The following ATP11C variants were observed in gnomAD, a reference collection of about 807,000 sequenced individuals.
ATP11C encodes phospholipid-transporting ATPase IG.
In ATP11C, 36 loss-of-function variants were observed where a neutral mutation model predicts 97.4. The observed-to-expected ratio is 0.37, with a 90% CI of 0.28 to 0.49. The LOEUF is 0.49. Among genes scored for constraint, ATP11C ranks in the 20% least tolerant of loss-of-function variants. ATP11C has a pLI of 0.98. For missense variants in ATP11C, 730 were observed against 824.6 expected, an observed-to-expected ratio of 0.89 and a Z score of 1.40; for synonymous variants, 275 against 290.9, an observed-to-expected ratio of 0.95 and a Z score of 0.56.
At chrX:139,862,361 CG>C (rs2084214648) in intron 1 of ATP11C, among the ~76,000 whole-genome samples, 1 of 111,665 alleles carries the variant, frequency 9.0e-6, no homozygotes, top group Non-Finnish European at 1.9e-5. Flanking sequence ...TGAAGCTCCT[CG>C]GTCAGAAGTT....
At position 139,932,066 on chromosome X, in the gene ATP11C, G is replaced by A. The variant is rs1457657202; in HGVS notation, c.-24C>T. On this transcript the variant is annotated 5_prime_UTR_variant, in exon 1 of 30. Transcript: ENST00000682941. ...ATCGCGTCGAAGGCTGCCGGGCGCT[G>A]AGCTGGGCTCTACCGGGCTGTCTGG... 3 of 1,153,662 alleles carry A rather than the reference G, an allele frequency of 2.6e-6. No homozygotes were observed. The African/African-American group carries it at 5.4e-5, about 21-fold the overall frequency.
chrX:139,883,918 C>G (rs1197031063), intron 1 of ATP11C, among the ~76,000 whole-genome samples: 1 of 111,654 alleles, frequency 9.0e-6, no homozygotes, highest in East Asian at 2.8e-4. Flanking sequence ...TAATTAACCA[C>G]AAAGTCTACA....
chrX:139,862,561 T>C (rs2084218622), intron 1 of ATP11C, among the ~76,000 whole-genome samples: 1 of 112,174 alleles, frequency 8.9e-6, no homozygotes, highest in African/African-American at 3.2e-5. Context: ...TCTTCTGTGT[T>C]GATTGTTGTT....
At chrX:139,908,621 T>C (rs1394537917) in intron 1 of ATP11C, among the ~76,000 whole-genome samples, 4 of 112,494 alleles carry the variant, frequency 3.6e-5, no homozygotes, top group Non-Finnish European at 7.5e-5. Flanking sequence ...TATGAGTTAC[T>C]TAAAGCATAT....
rs2085454877 is a variant in ATP11C at position 139,932,385 on chromosome X, G to GCC, written c.-344_-343insGG. On this transcript the variant is annotated 5_prime_UTR_variant, in exon 1 of 30. Coordinates refer to ENST00000682941, the MANE Select transcript of ATP11C (RefSeq NM_001353812.2). The stretch of plus-strand genomic sequence containing the variant: ...CGAGCCCGCCGCGCGGGGGAAGGAT[G>GCC]GCGGAGGAGCGCGAGGCTCCTCCTG... The GCC allele has an allele frequency of 9.1e-6, 1 of 109,822 alleles. No homozygotes were observed. Among genetic ancestry groups the GCC allele is most frequent in the South Asian group, 3.8e-4 (1 of 2,633 alleles). The allele number at this position is 109,822 out of a possible 1,213,427, so 9.1% of individuals were successfully genotyped here. A position where few individuals can be genotyped will look rare whatever the true frequency, so the allele number is the denominator to read the frequency against.
intron 1 of ATP11C, among the ~76,000 whole-genome samples, chrX:139,855,434 G>A (rs1303455567): frequency 2.7e-5 from 3 of 111,244 alleles, no homozygotes; most frequent in South Asian, 3.8e-4. Flanking sequence ...AGGAAAACTC[G>A]AGCCAGCCTG....
chrX:139,811,492 A>G (rs1603381960), intron 5 of ATP11C, among the ~76,000 whole-genome samples: 1 of 110,462 alleles, frequency 9.1e-6, no homozygotes, highest in Admixed American at 9.7e-5. Flanking sequence ...AAGCACTAGC[A>G]TTTTCTTTAA....
intron 1 of ATP11C, among the ~76,000 whole-genome samples, chrX:139,918,176 GAA>G (rs1176265262): frequency 9.0e-6 from 1 of 111,455 alleles, no homozygotes; most frequent in Non-Finnish European, 1.9e-5. Context: ...GCACAATCTC[GAA>G]GAGAGATATT....
chrX:139,800,183 G>T, intron 7 of ATP11C, 73 bp from the exon 8 acceptor site: 1 of 722,161 alleles, frequency 1.4e-6, no homozygotes, highest in Non-Finnish European at 2.1e-6. Context: ...ATATGAGAAT[G>T]AATGAAAATA....
chrX:139,895,905 C>A (rs750509689), intron 1 of ATP11C, among the ~76,000 whole-genome samples: 1 of 110,740 alleles, frequency 9.0e-6, no homozygotes, highest in Non-Finnish European at 1.9e-5. Context: ...GAACTCCTGG[C>A]CTCAAGCTGT....
chrX:139,916,928 C>G (rs994314610), intron 1 of ATP11C, among the ~76,000 whole-genome samples: 6 of 111,106 alleles, frequency 5.4e-5, no homozygotes, highest in African/African-American at 1.6e-4. Context: ...GACACACAGG[C>G]AAACAGAATA....
intron 23 of ATP11C, among the ~76,000 whole-genome samples, chrX:139,752,794 A>G (rs975304090): frequency 2.7e-5 from 3 of 112,171 alleles, no homozygotes; most frequent in Non-Finnish European, 5.6e-5. Context: ...AGAACTTACG[A>G]AACTCTCTAA....
intron 5 of ATP11C, among the ~76,000 whole-genome samples, chrX:139,814,399 CAAAG>C (rs1267937662): frequency 3.6e-5 from 4 of 111,676 alleles, no homozygotes; most frequent in Non-Finnish European, 7.5e-5. Context: ...GTATATACCT[CAAAG>C]AATTAAAAAC....
intron 1 of ATP11C, among the ~76,000 whole-genome samples, chrX:139,928,445 G>A (rs1237887342): frequency 9.0e-6 from 1 of 111,422 alleles, no homozygotes; most frequent in African/African-American, 3.3e-5. Flanking sequence ...TAATTACTCT[G>A]ATAGTTTAAA....
intron 1 of ATP11C, among the ~76,000 whole-genome samples, chrX:139,865,876 C>CT (rs202085421): frequency 0.029 from 3,216 of 111,662 alleles, 98 homozygotes; most frequent in African/African-American, 0.097. Flanking sequence ...CAGGTGTGCA[C>CT]TACCAGGCCA....
chrX:139,856,222 C>T (rs988116556), intron 1 of ATP11C, among the ~76,000 whole-genome samples: 5 of 112,528 alleles, frequency 4.4e-5, no homozygotes, highest in African/African-American at 1.6e-4. Context: ...CAGGATTCTA[C>T]AGCCTAGAGT....
intron 1 of ATP11C, among the ~76,000 whole-genome samples, chrX:139,832,894 A>C (rs1400823746): frequency 2.7e-5 from 3 of 112,061 alleles, no homozygotes; most frequent in Non-Finnish European, 5.6e-5. Context: ...AATCGCAAGG[A>C]AAAAAGCCAG....
At chrX:139,922,818 C>T (rs2085288623) in intron 1 of ATP11C, among the ~76,000 whole-genome samples, 1 of 111,370 alleles carries the variant, frequency 9.0e-6, no homozygotes, top group South Asian at 3.8e-4. Flanking sequence ...GGCAGAGTCT[C>T]GCTCTATTAC....
At chrX:139,892,138 C>T (rs1350812987) in intron 1 of ATP11C, among the ~76,000 whole-genome samples, 1 of 111,202 alleles carries the variant, frequency 9.0e-6, no homozygotes, top group Non-Finnish European at 1.9e-5. Flanking sequence ...ATTACGGGCG[C>T]GAGCTACTGC....
Sources: allele counts gnomAD v4.1 joint callset (sites outside exome capture counted in the v4.1 genomes callset), GRCh38; gene constraint gnomAD v4.1.1; transcripts MANE v1.5; gene names NCBI Gene and HGNC (gene_info 2026-07-23, HGNC 2026-07-21).